DPY19L1: variants seen among roughly 807,000 people sequenced by gnomAD.
DPY19L1 encodes dpy-19 like C-mannosyltransferase 1, also known as protein C-mannosyl-transferase DPY19L1.
In DPY19L1, 35 loss-of-function variants were observed where a neutral mutation model predicts 96.9. That is an observed-to-expected ratio of 0.36 (90% CI 0.28 to 0.48). The LOEUF (loss-of-function observed/expected upper bound fraction) is 0.48, where lower values mean the gene tolerates loss of function less well. Among genes scored for constraint, DPY19L1 ranks in the 20% least tolerant of loss-of-function variants. The pLI is 0.99. For synonymous variants in DPY19L1, 205 were observed against 252.6 expected (o/e 0.81, Z 1.79); for missense variants, 521 against 777.9 (o/e 0.67, Z 3.93).
chr7:34,957,298 C>T (rs999878484), intron 11 of DPY19L1, among the ~76,000 whole-genome samples: 4 of 152,152 alleles, frequency 2.6e-5, no homozygotes, highest in African/African-American at 9.7e-5. Flanking sequence ...AGGAGAAACG[C>T]TTGAACCTGG....
chr7:34,938,029 G>T lies in DPY19L1; in HGVS notation c.2055C>A (p.Tyr685Ter). 6.2e-7 allele frequency: 1 copy of T among 1,613,868 alleles called. No individual in the cohort carries two copies. Among genetic ancestry groups the T allele is most frequent in the Non-Finnish European group, 8.5e-7 (1 of 1,179,884 alleles). Residue 685 changes from tyrosine (Y) to a stop codon, truncating the protein, a stop_gained, in exon 21 of 22, where the codon TAC (tyrosine) becomes TAA (stop). Coordinates refer to ENST00000638088, the MANE Select transcript of DPY19L1 (RefSeq NM_001366673.1). LOFTEE classifies it high-confidence loss of function. ...RELIKLKVNY[Y>*]ILEESWCVRR... ...TTACACACCATGACTCTTCTAGAAT[G>T]TAATAGTTCACTTTTAACTTTATCA...
At chr7:35,002,142 AC>A (rs1478631728) in intron 6 of DPY19L1, among the ~76,000 whole-genome samples, 15 of 150,366 alleles carry the variant, frequency 1.0e-4, no homozygotes, top group South Asian at 4.2e-4. Flanking sequence ...AAAAAAAAAA[AC>A]AAAACAAAAA....
At chr7:34,944,391 T>C (rs1637666) in intron 16 of DPY19L1, among the ~76,000 whole-genome samples, 66,076 of 138,458 alleles carry the variant, frequency 0.48, 15,843 homozygotes, top group Admixed American at 0.62. Flanking sequence ...AAAAGAAAAA[T>C]TAAAAAAAAG....
intron 6 of DPY19L1, among the ~76,000 whole-genome samples, chr7:34,995,839 C>A (rs973279755): frequency 3.2e-4 from 48 of 150,180 alleles, no homozygotes; most frequent in Non-Finnish European, 6.5e-4. Context: ...GGCTTGGGCA[C>A]CTTCCTAGCC....
At position 34,937,780 on chromosome 7, in the gene DPY19L1, A is replaced by G. The variant is rs1327523356; in HGVS notation, c.2090+214T>C. Among the ~76,000 whole-genome samples the G allele has an allele frequency of 4.7e-4, 71 of 152,148 alleles. 1 individual carries two copies. Among genetic ancestry groups the G allele is most frequent in the Admixed American group, 4.6e-3 (71 of 15,280 alleles). On this transcript the variant is annotated intron_variant, in intron 21 of 21. Coordinates refer to ENST00000638088, the MANE Select transcript of DPY19L1 (RefSeq NM_001366673.1). ...AAAACCCCATCTCCACTAAAAATAC[A>G]AAAATTAAGTGGAGCTTGCAGTGAG...
chr7:34,969,378 G>C (rs755280911), intron 9 of DPY19L1, 55 bp downstream of exon 9: 48 of 988,614 alleles, frequency 4.9e-5, no homozygotes, highest in African/African-American at 2.3e-4. Context: ...ATGCAAATGA[G>C]CTCACATAGT....
intron 3 of DPY19L1, among the ~76,000 whole-genome samples, chr7:35,017,448 T>C (rs1229820051): frequency 9.2e-5 from 13 of 141,252 alleles, no homozygotes; most frequent in African/African-American, 2.7e-4. Flanking sequence ...TGAGCCGAGA[T>C]TGTGCCACTG....
At chr7:34,958,213 A>T (rs558253329) in intron 10 of DPY19L1, 143 bp from the exon 11 acceptor site, 1 of 513,060 alleles carries the variant, frequency 1.9e-6, no homozygotes, top group Non-Finnish European at 3.4e-6. Flanking sequence ...TCTCCATCTC[A>T]CACTTCAAAC....
intron 7 of DPY19L1, among the ~76,000 whole-genome samples, chr7:34,984,835 T>C (rs552201643): frequency 6.6e-6 from 1 of 151,968 alleles, no homozygotes; most frequent in South Asian, 2.1e-4. Flanking sequence ...TACCTCCAAT[T>C]ATTAACTGTC....
intron 13 of DPY19L1, among the ~76,000 whole-genome samples, chr7:34,953,357 T>C (rs1584213676): frequency 6.6e-6 from 1 of 152,210 alleles, no homozygotes; most frequent in Non-Finnish European, 1.5e-5. Flanking sequence ...CAATAATAGC[T>C]TTAACCTGAA....
At chr7:34,989,644 C>CAA (rs375852661) in intron 7 of DPY19L1, among the ~76,000 whole-genome samples, 33 of 146,610 alleles carry the variant, frequency 2.3e-4, no homozygotes, top group South Asian at 4.4e-4. Context: ...ACAACAACAA[C>CAA]AAAAAAAAAA....
At chr7:35,019,531 AAGG>A (rs1241116520) in intron 1 of DPY19L1, among the ~76,000 whole-genome samples, 1 of 151,446 alleles carries the variant, frequency 6.6e-6, no homozygotes, top group African/African-American at 2.4e-5. Context: ...GGAAGAAGAG[AAGG>A]AGAAGGAAGA....
intron 1 of DPY19L1, among the ~76,000 whole-genome samples, chr7:35,028,775 G>A (rs1439013281): frequency 2.0e-5 from 3 of 152,174 alleles, no homozygotes; most frequent in Admixed American, 6.5e-5. Flanking sequence ...TGCTAAACAA[G>A]GGGTGGATTA....
At chr7:35,017,009 T>G (rs1176856329) in intron 3 of DPY19L1, among the ~76,000 whole-genome samples, 1 of 151,986 alleles carries the variant, frequency 6.6e-6, no homozygotes, top group African/African-American at 2.4e-5. Flanking sequence ...TTTTGTTTTT[T>G]TTTTTTTAAA....
chr7:34,945,551 A>G, intron 16 of DPY19L1, 116 bp downstream of exon 16: 1 of 756,386 alleles, frequency 1.3e-6, no homozygotes, highest in Non-Finnish European at 2.1e-6. Context: ...ACCACAATAA[A>G]AACATCAATT....
chr7:34,974,000 T>G (rs1784783113), intron 7 of DPY19L1, among the ~76,000 whole-genome samples: 1 of 152,190 alleles, frequency 6.6e-6, no homozygotes, highest in Non-Finnish European at 1.5e-5. Flanking sequence ...TAACCAGTAC[T>G]TGAGAACTCT....
At chr7:35,013,746 A>G (rs1244641491) in intron 3 of DPY19L1, 41 bp from the exon 4 acceptor site, 15 of 1,486,060 alleles carry the variant, frequency 1.0e-5, no homozygotes, top group Admixed American at 2.0e-5. Context: ...CAAAAGGTAC[A>G]TAATTATGAT....
intron 16 of DPY19L1, among the ~76,000 whole-genome samples, chr7:34,945,461 A>G (rs1410355390): frequency 6.6e-6 from 1 of 152,222 alleles, no homozygotes; most frequent in Non-Finnish European, 1.5e-5. Context: ...ACTGTACTGG[A>G]TAACATCTGA....
chr7:34,977,970 A>C (rs1353760729), intron 7 of DPY19L1, among the ~76,000 whole-genome samples: 1 of 152,146 alleles, frequency 6.6e-6, no homozygotes, highest in Non-Finnish European at 1.5e-5. Flanking sequence ...ACTGCAACAT[A>C]ATACTGTGTA....
Sources: allele counts gnomAD v4.1 joint callset (sites outside exome capture counted in the v4.1 genomes callset), GRCh38; gene constraint gnomAD v4.1.1; transcripts MANE v1.5; gene names NCBI Gene and HGNC (gene_info 2026-07-23, HGNC 2026-07-21).